FSTL4: variants seen among roughly 807,000 people sequenced by gnomAD.
FSTL4 encodes follistatin like 4.
FSTL4 carries 28 observed loss-of-function variants against 78.2 expected under a neutral mutation model. The ratio of observed to expected loss-of-function variants is 0.36; its 90% CI spans 0.27 to 0.49. FSTL4 has a LOEUF of 0.49. Among genes scored for constraint, FSTL4 ranks in the 20% least tolerant of loss-of-function variants. The pLI is 0.98. For missense variants in FSTL4, 922 were observed against 1,084.9 expected (o/e 0.85, Z 2.11); for synonymous variants, 422 against 440.5 (o/e 0.96, Z 0.53).
intron 11 of FSTL4, among the ~76,000 whole-genome samples, chr5:133,222,081 A>ATT (rs1751154381): frequency 6.6e-6 from 1 of 151,864 alleles, no homozygotes; most frequent in African/African-American, 2.4e-5. Flanking sequence ...ACCCAGAGGC[A>ATT]CTAATGTGAG....
At chr5:133,498,966 C>A (rs1423354492) in intron 3 of FSTL4, among the ~76,000 whole-genome samples, 3 of 151,444 alleles carry the variant, frequency 2.0e-5, no homozygotes. Context: ...CCTGGAATCC[C>A]AAAGGCCACC....
chr5:133,331,283 C>T (rs951671906), intron 4 of FSTL4, among the ~76,000 whole-genome samples: 6 of 152,332 alleles, frequency 3.9e-5, no homozygotes, highest in Non-Finnish European at 8.8e-5. Flanking sequence ...GGGCGTCTCA[C>T]AGGCCTGGCA....
chr5:133,428,807 A>G (rs1216117887), intron 3 of FSTL4, among the ~76,000 whole-genome samples: 2 of 152,176 alleles, frequency 1.3e-5, no homozygotes, highest in African/African-American at 2.4e-5. Context: ...TTAATTGTCA[A>G]TGCCAGCCCA....
intron 3 of FSTL4, among the ~76,000 whole-genome samples, chr5:133,524,246 C>G (rs941553264): frequency 6.6e-6 from 1 of 152,210 alleles, no homozygotes; most frequent in Non-Finnish European, 1.5e-5. Flanking sequence ...TGAGATCACA[C>G]AAGCCCTTGG....
chr5:133,474,659 A>T (rs1419745387), intron 3 of FSTL4, among the ~76,000 whole-genome samples: 1 of 152,224 alleles, frequency 6.6e-6, no homozygotes, highest in Non-Finnish European at 1.5e-5. Flanking sequence ...GGCATTAATA[A>T]GGAAAGCACA....
chr5:133,375,157 T>C (rs55823808), intron 4 of FSTL4, among the ~76,000 whole-genome samples: 32 of 151,472 alleles, frequency 2.1e-4, no homozygotes, highest in Non-Finnish European at 4.0e-4. Flanking sequence ...CTCTGCACTT[T>C]CCCTGCAGCA....
intron 3 of FSTL4, among the ~76,000 whole-genome samples, chr5:133,417,884 G>C (rs1038340252): frequency 6.7e-6 from 1 of 150,058 alleles, no homozygotes; most frequent in Non-Finnish European, 1.5e-5. Flanking sequence ...TCTTGAACCC[G>C]GGAGGCGGAG....
rs567089248 is a variant in FSTL4 at position 133,388,005 on chromosome 5, T to C, written c.409+12733A>G. On this transcript the variant is annotated intron_variant, in intron 4 of 15. Coordinates refer to ENST00000265342, the MANE Select transcript of FSTL4 (RefSeq NM_015082.2). ...GGGCTCTGATGGAATATTGCCCTCATGTATGCTTTTTAACATACCGAGTCA... is the reference window on the plus strand; with the variant it reads ...GGGCTCTGATGGAATATTGCCCTCACGTATGCTTTTTAACATACCGAGTCA... 3.3e-5 allele frequency: 5 copies of C among 152,394 alleles called. No homozygotes were observed. The East Asian group carries it at 9.6e-4, about 29-fold the overall frequency. 9.4% of individuals were successfully genotyped at this position (152,394 alleles called of 1,614,324 possible).
intron 3 of FSTL4, among the ~76,000 whole-genome samples, chr5:133,553,705 T>C (rs1759732744): frequency 1.3e-5 from 2 of 152,144 alleles, no homozygotes; most frequent in Non-Finnish European, 2.9e-5. Context: ...CCCCCTCCCA[T>C]ATAATCTCCG....
At position 133,448,741 on chromosome 5, in the gene FSTL4, G is replaced by GA. The variant is rs1004709722; in HGVS notation, c.161-47756_161-47755insT. 1.6e-5 allele frequency among the ~76,000 whole-genome samples: 2 copies of GA among 127,460 alleles called. 1 individual carries two copies. Among genetic ancestry groups the GA allele is most frequent in the Non-Finnish European group, 3.2e-5 (2 of 62,682 alleles). 83.6% of individuals were successfully genotyped at this position (127,460 alleles called of 152,430 possible). On this transcript the variant is annotated intron_variant, in intron 3 of 15. Coordinates refer to ENST00000265342, the MANE Select transcript of FSTL4 (RefSeq NM_015082.2). The stretch of plus-strand genomic sequence containing the variant: ...CAGAATCCCCAGGGGTGCGGGGGCG[G>GA]GGGGGGGGGGCGCTCAGAATTTTCC...
intron 3 of FSTL4, among the ~76,000 whole-genome samples, chr5:133,522,164 A>G (rs1758994510): frequency 6.6e-6 from 1 of 152,190 alleles, no homozygotes; most frequent in Non-Finnish European, 1.5e-5. Context: ...CACATGAACC[A>G]TTCCAGACAA....
At chr5:133,590,281 G>A (rs1050562767) in intron 2 of FSTL4, among the ~76,000 whole-genome samples, 2 of 152,076 alleles carry the variant, frequency 1.3e-5, no homozygotes, top group African/African-American at 4.8e-5. Flanking sequence ...CCCTAGAGAT[G>A]TCCCTGGTTC....
rs188927395 is a variant in FSTL4, at chr5:133,196,588, T to C, written c.*2507A>G. The stretch of plus-strand genomic sequence containing the variant: ...GTTGTGAATTGACCTTGTGGGTTCA[T>C]TAGGAGGATTACCGGCTGGGCTTGC... On this transcript the variant is annotated 3_prime_UTR_variant, in exon 16 of 16. Coordinates refer to ENST00000265342, the MANE Select transcript of FSTL4 (RefSeq NM_015082.2). 18 of 152,324 alleles carry C rather than the reference T, an allele frequency of 1.2e-4. No individual in the cohort carries two copies. The East Asian group carries it at 3.1e-3, about 26-fold the overall frequency. 9.4% of individuals were successfully genotyped at this position (152,324 alleles called of 1,614,324 possible). A position where few individuals can be genotyped will look rare whatever the true frequency, so the allele number is the denominator to read the frequency against.
At chr5:133,718,174 C>A in the FSTL4 span, among the ~76,000 whole-genome samples, 1 of 151,952 alleles carries the variant, frequency 6.6e-6, no homozygotes, top group African/African-American at 2.4e-5. Flanking sequence ...CTCACTACAA[C>A]CTCCGCCTCC....
intron 4 of FSTL4, among the ~76,000 whole-genome samples, chr5:133,334,290 C>T (rs942450013): frequency 7.9e-5 from 12 of 152,236 alleles, no homozygotes; most frequent in Non-Finnish European, 1.2e-4. Context: ...TTCTCTTCCA[C>T]ACTCACATGA....
At chr5:133,512,034 C>T (rs1758744611) in intron 3 of FSTL4, among the ~76,000 whole-genome samples, 1 of 152,172 alleles carries the variant, frequency 6.6e-6, no homozygotes, top group Non-Finnish European at 1.5e-5. Flanking sequence ...CCCTTATTGC[C>T]CCTCATGTAA....
At chr5:133,380,430 C>T (rs1037952424) in intron 4 of FSTL4, among the ~76,000 whole-genome samples, 16 of 151,990 alleles carry the variant, frequency 1.1e-4, no homozygotes, top group South Asian at 2.1e-4. Context: ...ATAAATTAGA[C>T]AACTTTGATG....
chr5:133,308,730 G>T (rs998735191), intron 6 of FSTL4, among the ~76,000 whole-genome samples: 1 of 152,180 alleles, frequency 6.6e-6, no homozygotes, highest in African/African-American at 2.4e-5. Context: ...GGCTGTAGTG[G>T]TAGTGCTGTA....
At chr5:133,233,052 G>A (rs77487003) in intron 8 of FSTL4, among the ~76,000 whole-genome samples, 16,880 of 152,268 alleles carry the variant, frequency 0.11, 1,031 homozygotes, top group East Asian at 0.17. Context: ...GTGGATTTCA[G>A]TTTCTGCTCG....
Sources: allele counts gnomAD v4.1 joint callset (sites outside exome capture counted in the v4.1 genomes callset), GRCh38; gene constraint gnomAD v4.1.1; transcripts MANE v1.5; gene names NCBI Gene and HGNC (gene_info 2026-07-23, HGNC 2026-07-21).